The following RNF150 variants were observed in gnomAD, a reference collection of about 807,000 sequenced individuals.
The protein encoded by RNF150 is ring finger protein 150.
A neutral mutation model predicts 39.3 loss-of-function variants in RNF150; 24 were observed. The ratio of observed to expected loss-of-function variants is 0.61; its 90% CI spans 0.44 to 0.86. RNF150 has a LOEUF of 0.86. Among genes scored for constraint, RNF150 ranks in the 40% least tolerant of loss-of-function variants. The pLI is 0.00. For synonymous variants in RNF150, 255 were observed against 227.3 expected, an observed-to-expected ratio of 1.12 and a Z score of -1.10; for missense variants, 502 against 587.8, an observed-to-expected ratio of 0.85 and a Z score of 1.51.
chr4:141,179,639 C>T (rs1727872335), intron 1 of RNF150, among the ~76,000 whole-genome samples: 1 of 152,086 alleles, frequency 6.6e-6, no homozygotes, highest in Non-Finnish European at 1.5e-5. Context: ...CTTTTTGCTT[C>T]TGGATGGCCA....
chr4:141,113,247 G>C (rs1739444255), intron 1 of RNF150, among the ~76,000 whole-genome samples: 1 of 151,376 alleles, frequency 6.6e-6, no homozygotes, highest in Admixed American at 6.6e-5. Flanking sequence ...AGACCCATCG[G>C]TGTGCTGTAT....
At chr4:140,963,802 C>A (rs1357629786) in intron 2 of RNF150, among the ~76,000 whole-genome samples, 1 of 151,866 alleles carries the variant, frequency 6.6e-6, no homozygotes, top group Non-Finnish European at 1.5e-5. Flanking sequence ...TAGACTATGG[C>A]CATTGGAAAG....
chr4:141,162,756 G>A (rs914658623), intron 1 of RNF150, among the ~76,000 whole-genome samples: 1 of 152,098 alleles, frequency 6.6e-6, no homozygotes, highest in Non-Finnish European at 1.5e-5. Flanking sequence ...GTGCCATGAG[G>A]AACAGTGCTA....
intron 1 of RNF150, among the ~76,000 whole-genome samples, chr4:141,127,228 G>A (rs1267820719): frequency 6.6e-6 from 1 of 152,120 alleles, no homozygotes; most frequent in Non-Finnish European, 1.5e-5. Context: ...GAGACAGTAA[G>A]GGTACCTATT....
At chr4:141,066,639 T>TA (rs1737473293) in intron 1 of RNF150, among the ~76,000 whole-genome samples, 1 of 152,176 alleles carries the variant, frequency 6.6e-6, no homozygotes, top group Admixed American at 6.5e-5. Context: ...TTTCTACAAA[T>TA]TTTTTTGCAA....
rs184268017 is a variant in RNF150 at position 141,113,425 on chromosome 4, G to C, written c.484+18900C>G. Among the ~76,000 whole-genome samples the C allele has an allele frequency of 2.8e-3, 426 of 151,070 alleles. 6 individuals carry two copies. Among genetic ancestry groups the C allele is most frequent in the African/African-American group, 9.7e-3 (399 of 41,210 alleles). The stretch of plus-strand genomic sequence containing the variant: ...CAAAGATCAAAAAAGACAAAGAAGG[G>C]CATTACATAACGGTAAAGGGATCAA... On this transcript the variant is annotated intron_variant, in intron 1 of 6. Coordinates refer to ENST00000515673, the MANE Select transcript of RNF150 (RefSeq NM_020724.2).
At chr4:141,103,864 T>C (rs928507031) in intron 1 of RNF150, among the ~76,000 whole-genome samples, 2 of 152,162 alleles carry the variant, frequency 1.3e-5, no homozygotes, top group African/African-American at 4.8e-5. Flanking sequence ...CTTCAGGCAC[T>C]AGGATGATTC....
chr4:140,984,696 G>T (rs1440773759), intron 1 of RNF150, among the ~76,000 whole-genome samples: 1 of 151,994 alleles, frequency 6.6e-6, no homozygotes, highest in East Asian at 1.9e-4. Context: ...GTGACTTTCT[G>T]GACCACTGAC....
intron 6 of RNF150, among the ~76,000 whole-genome samples, chr4:140,900,931 G>A (rs1305672157): frequency 6.6e-6 from 1 of 152,150 alleles, no homozygotes; most frequent in Non-Finnish European, 1.5e-5. Context: ...GAGATATTAA[G>A]TGAATTGGTG....
At chr4:140,935,314 A>G (rs540952793) in intron 4 of RNF150, among the ~76,000 whole-genome samples, 12 of 151,854 alleles carry the variant, frequency 7.9e-5, no homozygotes, top group African/African-American at 2.9e-4. Flanking sequence ...CTCATTTTAT[A>G]GTGTGTCTCA....
intron 1 of RNF150, among the ~76,000 whole-genome samples, chr4:141,029,224 A>T (rs4956343): frequency 0.59 from 89,818 of 151,994 alleles, 27,227 homozygotes; most frequent in East Asian, 0.82. Flanking sequence ...GGTTCTATAC[A>T]GGTTACTTGG....
intron 1 of RNF150, among the ~76,000 whole-genome samples, chr4:141,156,616 AGGCACAGTG>A (rs1233963891): frequency 1.3e-5 from 2 of 151,656 alleles, no homozygotes; most frequent in Non-Finnish European, 2.9e-5. Context: ...TGTGCAGGCC[AGGCACAGTG>A]GCTCACACCT....
At chr4:141,094,546 T>C (rs1738704909) in intron 1 of RNF150, among the ~76,000 whole-genome samples, 1 of 152,258 alleles carries the variant, frequency 6.6e-6, no homozygotes, top group Non-Finnish European at 1.5e-5. Context: ...ACCGTGGTAG[T>C]GGATTTGTTT....
chr4:141,105,389 T>G (rs1739163410), intron 1 of RNF150, among the ~76,000 whole-genome samples: 1 of 152,212 alleles, frequency 6.6e-6, no homozygotes, highest in Admixed American at 6.5e-5. Context: ...CCTCTTGACC[T>G]CTCAGCAGCA....
chr4:141,071,314 A>G (rs905911985), intron 1 of RNF150, among the ~76,000 whole-genome samples: 1 of 151,548 alleles, frequency 6.6e-6, no homozygotes, highest in Non-Finnish European at 1.5e-5. Context: ...GCGCACCGGC[A>G]TGGCACATGT....
intron 1 of RNF150, among the ~76,000 whole-genome samples, chr4:141,059,469 A>T (rs1737126069): frequency 6.6e-6 from 1 of 152,048 alleles, no homozygotes; most frequent in African/African-American, 2.4e-5. Context: ...ATCTAAAACA[A>T]TGTGTGCTTG....
intron 1 of RNF150, among the ~76,000 whole-genome samples, chr4:141,030,296 C>T (rs909068664): frequency 6.7e-6 from 1 of 148,156 alleles, no homozygotes; most frequent in Non-Finnish European, 1.5e-5. Flanking sequence ...AAAAAAAACC[C>T]AGAAAATAAC....
intron 6 of RNF150, among the ~76,000 whole-genome samples, chr4:140,871,331 TTC>T (rs1232163018): frequency 6.6e-6 from 1 of 152,158 alleles, no homozygotes; most frequent in Non-Finnish European, 1.5e-5. Flanking sequence ...TTTTTTACAA[TTC>T]TTCAAATTGT....
At chr4:140,990,241 G>T (rs1734148396) in intron 1 of RNF150, among the ~76,000 whole-genome samples, 1 of 152,046 alleles carries the variant, frequency 6.6e-6, no homozygotes, top group Non-Finnish European at 1.5e-5. Context: ...TGGTCCTAAT[G>T]GTTTCCCTTT....
Sources: allele counts gnomAD v4.1 joint callset (sites outside exome capture counted in the v4.1 genomes callset), GRCh38; gene constraint gnomAD v4.1.1; transcripts MANE v1.5; gene names NCBI Gene and HGNC (gene_info 2026-07-23, HGNC 2026-07-21).